The following MAEL variants were observed in gnomAD, a reference collection of about 807,000 sequenced individuals.
MAEL encodes the protein protein maelstrom homolog.
MAEL carries 46 observed loss-of-function variants against 62.0 expected under a neutral mutation model. The ratio of observed to expected loss-of-function variants is 0.74; its 90% CI spans 0.59 to 0.95. The LOEUF (loss-of-function observed/expected upper bound fraction) is 0.95, where lower values mean the gene tolerates loss of function less well. Among genes scored for constraint, MAEL ranks in the 40% least tolerant of loss-of-function variants. MAEL has a pLI of 0.00. For synonymous variants in MAEL, 172 were observed against 175.5 expected (o/e 0.98, Z 0.16); for missense variants, 497 against 526.8 (o/e 0.94, Z 0.55).
chr1:166,986,945 C>CGTGTGTGTGTGTGTGT (rs58393275), upstream of MAEL, among the ~76,000 whole-genome samples: 241 of 147,114 alleles, frequency 1.6e-3, 4 homozygotes, highest in Admixed American at 0.012. Flanking sequence ...AGGAAGGGGA[C>CGTGTGTGTGTGTGTGT]GTGTGTGTGT....
chr1:167,017,290 T>C (rs1258501278), intron 9 of MAEL, among the ~76,000 whole-genome samples: 8 of 152,078 alleles, frequency 5.3e-5, no homozygotes, highest in Admixed American at 1.3e-4. Context: ...AAAATAAAAA[T>C]AAAGGTGGTT....
At chr1:167,010,080 A>G (rs1487287741) in intron 8 of MAEL, among the ~76,000 whole-genome samples, 3 of 152,160 alleles carry the variant, frequency 2.0e-5, no homozygotes, top group Non-Finnish European at 4.4e-5. Flanking sequence ...GACCAGGTGG[A>G]GGTAACTGGA....
At chr1:166,998,698 T>A (rs1029644801) in intron 5 of MAEL, among the ~76,000 whole-genome samples, 15 of 152,172 alleles carry the variant, frequency 9.9e-5, no homozygotes, top group Non-Finnish European at 2.2e-4. Context: ...ATGCACACCT[T>A]GTTTTATTGC....
At position 167,004,451 on chromosome 1, in the gene MAEL, G is replaced by A. The variant is rs554924402; in HGVS notation, c.648+147G>A. The A allele has an allele frequency of 2.8e-4, 194 of 680,788 alleles. 2 individuals carry two copies. The South Asian group carries it at 5.3e-3, about 18-fold the overall frequency. 42.2% of individuals were successfully genotyped at this position (680,788 alleles called of 1,614,324 possible). On this transcript the variant is annotated intron_variant, in intron 6 of 11. Transcript: ENST00000367872. Reference sequence around the variant, plus strand: ...TTTGAATTGTTTTGAATGTAATTAGGTATAGTGCCTATTTTAAAAATGTCT... The same window carrying A: ...TTTGAATTGTTTTGAATGTAATTAGATATAGTGCCTATTTTAAAAATGTCT...
At chr1:167,012,918 G>C (rs1665230946) in intron 8 of MAEL, among the ~76,000 whole-genome samples, 1 of 152,098 alleles carries the variant, frequency 6.6e-6, no homozygotes, top group Non-Finnish European at 1.5e-5. Flanking sequence ...ATTAGAAAAA[G>C]TTTTAAACGT....
intron 5 of MAEL, among the ~76,000 whole-genome samples, chr1:166,997,587 T>G (rs1182851782): frequency 6.6e-6 from 1 of 152,214 alleles, no homozygotes; most frequent in Admixed American, 6.5e-5. Context: ...TGGAGCATGA[T>G]GGCTGTTCAC....
rs368745228 is a variant in MAEL, at chr1:167,017,851, C to A, written c.933C>A (p.Ala311=). 9.9e-6 allele frequency: 16 copies of A among 1,611,324 alleles called. No individual in the cohort carries two copies. In the African/African-American group the frequency reaches 2.1e-4, roughly 22 times the overall value. ...KIAYCISNSL[A]TLFGIQLTEA... is the part of the protein sequence containing the mutation. The stretch of plus-strand genomic sequence containing the variant: ...GGTACTGCATCAGTAATTCTCTGGC[C>A]ACTCTCTTTGGAATCCAGCTCACAG... Residue 311 remains alanine, a synonymous_variant, in exon 10 of 12, where the codon GCC becomes GCA. Coordinates refer to ENST00000367872, the MANE Select transcript of MAEL (RefSeq NM_032858.3).
Position 167,021,087 on chromosome 1 carries a change from G to A in MAEL, c.1044G>A (p.Lys348=). 3.1e-6 allele frequency: 5 copies of A among 1,609,282 alleles called. No individual in the cohort carries two copies. Among genetic ancestry groups the A allele is most frequent in the Non-Finnish European group, 4.3e-6 (5 of 1,176,142 alleles). The part of the protein sequence containing the change: ...MVVLDAGRYQ[K]LRVGSSGFSH... ...TGGTATTTTCCTGTTACTTACAGAAGCTAAGGGTTGGGAGTTCAGGATTCT... is the reference window on the plus strand; with the variant it reads ...TGGTATTTTCCTGTTACTTACAGAAACTAAGGGTTGGGAGTTCAGGATTCT... The change falls in exon 11 of 12, where the codon AAG becomes AAA. Residue 348 remains lysine (K), a splice_region_variant and synonymous_variant. Transcript: ENST00000367872.
intron 6 of MAEL, 91 bp downstream of exon 6, chr1:167,004,395 CTGTATA>C (rs1459514592): frequency 2.4e-6 from 3 of 1,233,052 alleles, no homozygotes; most frequent in Non-Finnish European, 3.4e-6. Context: ...GTATTTTTGT[CTGTATA>C]TTGTGTGTCT....
At chr1:166,993,795 C>A (rs187720123) in intron 4 of MAEL, among the ~76,000 whole-genome samples, 205 of 152,304 alleles carry the variant, frequency 1.3e-3, no homozygotes, top group African/African-American at 4.8e-3. Flanking sequence ...TCTAGCATTT[C>A]TTTCTCTGTA....
chr1:167,007,474 A>C (rs1383778017), intron 8 of MAEL, among the ~76,000 whole-genome samples: 1 of 152,034 alleles, frequency 6.6e-6, no homozygotes, highest in Non-Finnish European at 1.5e-5. Context: ...TAGGAGATAG[A>C]ATCTGGGTGG....
intron 1 of MAEL, among the ~76,000 whole-genome samples, chr1:166,979,818 T>C (rs1327270910): frequency 6.6e-6 from 1 of 152,194 alleles, no homozygotes. Flanking sequence ...AGCCCTTGCC[T>C]GAATTAGCTC....
intron 8 of MAEL, among the ~76,000 whole-genome samples, chr1:167,010,252 C>T (rs1025227852): frequency 6.6e-6 from 1 of 152,114 alleles, no homozygotes; most frequent in Non-Finnish European, 1.5e-5. Context: ...GCCTCCCCAC[C>T]AATGCAAATC....
At chr1:167,010,026 C>T (rs1665100231) in intron 8 of MAEL, among the ~76,000 whole-genome samples, 1 of 152,188 alleles carries the variant, frequency 6.6e-6, no homozygotes, top group Non-Finnish European at 1.5e-5. Context: ...ACCCAAATCT[C>T]ACCTCGAATT....
chr1:166,977,279 A>T (rs144695210), intron 1 of MAEL, among the ~76,000 whole-genome samples: 1 of 152,306 alleles, frequency 6.6e-6, no homozygotes, highest in East Asian at 1.9e-4. Flanking sequence ...CATGCTATGT[A>T]CTGCATGAGA....
chr1:167,010,606 T>C (rs922351181), intron 8 of MAEL, among the ~76,000 whole-genome samples: 25 of 152,098 alleles, frequency 1.6e-4, no homozygotes, highest in African/African-American at 6.0e-4. Flanking sequence ...CCACCATGCG[T>C]ACCTAGTTAT....
intron 8 of MAEL, among the ~76,000 whole-genome samples, chr1:167,013,599 G>C (rs1043934385): frequency 1.3e-5 from 2 of 152,238 alleles, no homozygotes; most frequent in South Asian, 2.1e-4. Flanking sequence ...GTTTGCTTTT[G>C]TTCCCTGGAT....
intron 1 of MAEL, among the ~76,000 whole-genome samples, chr1:166,980,169 C>T (rs1291952118): frequency 6.6e-6 from 1 of 152,066 alleles, no homozygotes; most frequent in Non-Finnish European, 1.5e-5. Flanking sequence ...AAGTGCATGC[C>T]ACCATGCCCA....
upstream of MAEL, among the ~76,000 whole-genome samples, chr1:166,984,656 A>T (rs574888359): frequency 6.6e-6 from 1 of 152,328 alleles, no homozygotes; most frequent in Admixed American, 6.5e-5. Context: ...ATCCCTGTTG[A>T]TCACTCCAAC....
Sources: gnomAD v4.1 joint callset for allele counts (sites outside exome capture counted in the v4.1 genomes callset) on GRCh38, gnomAD v4.1.1 for gene constraint, MANE v1.5 for transcripts, NCBI Gene and HGNC (gene_info 2026-07-23, HGNC 2026-07-21) for gene names.